Variants in SCHIP1 observed in about 807,000 individuals in gnomAD.
SCHIP1 encodes the protein schwannomin-interacting protein 1.
Under a neutral mutation model 29.7 loss-of-function variants are expected in SCHIP1, and 8 were observed. That is an observed-to-expected ratio of 0.27 (90% CI 0.16 to 0.49). The LOEUF is 0.49. SCHIP1 is among the 20% of genes least tolerant of loss of function. SCHIP1 has a pLI of 0.99. For missense variants in SCHIP1, 193 were observed against 294.6 expected, an observed-to-expected ratio of 0.66 and a Z score of 2.52; for synonymous variants, 76 against 94.9, an observed-to-expected ratio of 0.80 and a Z score of 1.16.
chr3:159,822,462 G>C, the SCHIP1 span, among the ~76,000 whole-genome samples: 11 of 151,830 alleles, frequency 7.2e-5, no homozygotes, highest in Non-Finnish European at 1.3e-4. Flanking sequence ...GAGGCTTGAA[G>C]ATGAAATTAT....
the SCHIP1 span, among the ~76,000 whole-genome samples, chr3:159,525,862 T>C: frequency 6.6e-6 from 1 of 152,206 alleles, no homozygotes; most frequent in Admixed American, 6.5e-5. Context: ...TTTACACATA[T>C]TCATTCACCA....
chr3:159,594,643 C>T, the SCHIP1 span, among the ~76,000 whole-genome samples: 1 of 152,184 alleles, frequency 6.6e-6, no homozygotes, highest in Non-Finnish European at 1.5e-5. Flanking sequence ...CGATGGTGCT[C>T]ATCTCTAGAA....
chr3:159,690,580 CG>C, the SCHIP1 span, among the ~76,000 whole-genome samples: 4 of 151,878 alleles, frequency 2.6e-5, no homozygotes, highest in African/African-American at 9.7e-5. Flanking sequence ...AAGGTTTTTT[CG>C]TACCTCTATA....
the SCHIP1 span, among the ~76,000 whole-genome samples, chr3:159,786,257 T>A: frequency 6.6e-6 from 1 of 152,202 alleles, no homozygotes; most frequent in African/African-American, 2.4e-5. Flanking sequence ...AATATAGCAA[T>A]CTAAAAAGTC....
the SCHIP1 span, among the ~76,000 whole-genome samples, chr3:159,397,015 C>T: frequency 6.9e-6 from 1 of 144,498 alleles, no homozygotes; most frequent in African/African-American, 2.5e-5. Flanking sequence ...AGGCTTTGCT[C>T]GTTTCTTTTT....
the SCHIP1 span, among the ~76,000 whole-genome samples, chr3:159,500,123 T>C: frequency 6.6e-6 from 1 of 152,232 alleles, no homozygotes; most frequent in East Asian, 1.9e-4. Flanking sequence ...ACACTGCCAC[T>C]AAGTCCAGTT....
At chr3:159,829,681 T>C in the SCHIP1 span, among the ~76,000 whole-genome samples, 33 of 152,364 alleles carry the variant, frequency 2.2e-4, no homozygotes, top group African/African-American at 7.9e-4. Flanking sequence ...TCATTGACCA[T>C]GAAGGTGGTA....
the SCHIP1 span, among the ~76,000 whole-genome samples, chr3:159,595,000 G>C: frequency 6.6e-6 from 1 of 152,124 alleles, no homozygotes; most frequent in Non-Finnish European, 1.5e-5. Flanking sequence ...GCCAGAATCT[G>C]TCATAAATTC....
chr3:159,397,739 A>T, the SCHIP1 span, among the ~76,000 whole-genome samples: 1 of 152,184 alleles, frequency 6.6e-6, no homozygotes, highest in African/African-American at 2.4e-5. Context: ...TCAGACAGGG[A>T]CATTTAAGTC....
chr3:159,824,497 C>T, the SCHIP1 span, among the ~76,000 whole-genome samples: 1 of 152,190 alleles, frequency 6.6e-6, no homozygotes. Context: ...ACAGATATAG[C>T]CATCAAACTT....
At chr3:159,394,233 C>G in the SCHIP1 span, among the ~76,000 whole-genome samples, 1 of 150,774 alleles carries the variant, frequency 6.6e-6, no homozygotes, top group Non-Finnish European at 1.5e-5. Context: ...ATGGGGTTTT[C>G]TAGATATACA....
the SCHIP1 span, among the ~76,000 whole-genome samples, chr3:159,283,372 C>T: frequency 2.0e-5 from 3 of 152,120 alleles, no homozygotes; most frequent in Admixed American, 6.5e-5. Flanking sequence ...AGGCTGGTCT[C>T]GAACTCCTGA....
At chr3:159,584,446 A>G in the SCHIP1 span, among the ~76,000 whole-genome samples, 5 of 152,204 alleles carry the variant, frequency 3.3e-5, no homozygotes, top group South Asian at 2.1e-4. Flanking sequence ...TTCTTATTCA[A>G]TGAAAGTAAA....
the SCHIP1 span, chr3:159,309,155 A>C: frequency 1.8e-5 from 4 of 228,372 alleles, no homozygotes; most frequent in East Asian, 1.8e-4. Flanking sequence ...TTAAAAAAAA[A>C]CAATTATAAT....
At chr3:159,518,749 T>G in the SCHIP1 span, among the ~76,000 whole-genome samples, 1 of 152,142 alleles carries the variant, frequency 6.6e-6, no homozygotes, top group Non-Finnish European at 1.5e-5. Flanking sequence ...TGTATTCTCA[T>G]CTTTAGACTT....
At chr3:159,329,722 C>T in the SCHIP1 span, among the ~76,000 whole-genome samples, 1 of 152,196 alleles carries the variant, frequency 6.6e-6, no homozygotes, top group Non-Finnish European at 1.5e-5. Flanking sequence ...TCCAACATTT[C>T]CTATTTTCTG....
At chr3:159,713,272 G>GAA in the SCHIP1 span, among the ~76,000 whole-genome samples, 1 of 145,890 alleles carries the variant, frequency 6.9e-6, no homozygotes, top group Non-Finnish European at 1.5e-5. Context: ...AAGAAAGAAA[G>GAA]AAAGAAAGAA....
chr3:159,801,723 C>T, the SCHIP1 span, among the ~76,000 whole-genome samples: 1 of 152,174 alleles, frequency 6.6e-6, no homozygotes, highest in East Asian at 1.9e-4. Context: ...AATAAAAATT[C>T]TATATTTCTA....
At chr3:159,406,794 T>C in the SCHIP1 span, among the ~76,000 whole-genome samples, 1 of 152,220 alleles carries the variant, frequency 6.6e-6, no homozygotes, top group Admixed American at 6.5e-5. Context: ...TTTGCTTGCT[T>C]GTTTGTTTAC....
Sources: allele counts gnomAD v4.1 joint callset (sites outside exome capture counted in the v4.1 genomes callset), GRCh38; gene constraint gnomAD v4.1.1; transcripts MANE v1.5; gene names NCBI Gene and HGNC (gene_info 2026-07-23, HGNC 2026-07-21).